The following LINC00305 variants were observed in gnomAD, a reference collection of about 807,000 sequenced individuals.
LINC00305 encodes long intergenic non-protein coding RNA 305.
At chr18:64,125,225 A>G (rs1315055654) in intron 1 of LINC00305, among the ~76,000 whole-genome samples, 3 of 152,020 alleles carry the variant, frequency 2.0e-5, no homozygotes, top group Non-Finnish European at 4.4e-5. Flanking sequence ...GACAACTTGT[A>G]AAAGTCTGTT....
chr18:64,091,716 C>A lies in LINC00305; in HGVS notation n.540+6118G>T, dbSNP rs189144546. 8.5e-5 allele frequency among the ~76,000 whole-genome samples: 13 copies of A among 152,326 alleles called. No individual in the cohort carries two copies. The East Asian group carries it at 1.9e-3, about 23-fold the overall frequency. On this transcript the variant is annotated intron_variant and non_coding_transcript_variant, in intron 3 of 3. Transcript: ENST00000666468. ...AAATCTGCTTCTTCATTTCACCACA[C>A]TCTCCCTGTTGCTATATTTAGACAT... is the stretch of plus-strand genomic sequence containing the variant.
intron 1 of LINC00305, among the ~76,000 whole-genome samples, chr18:64,132,656 C>T (rs1313574411): frequency 6.6e-6 from 1 of 152,182 alleles, no homozygotes; most frequent in African/African-American, 2.4e-5. Context: ...TGTAGCCTGG[C>T]TCCATAGTGT....
chr18:64,138,863 G>A (rs756044353), intron 1 of LINC00305, among the ~76,000 whole-genome samples: 2 of 152,062 alleles, frequency 1.3e-5, no homozygotes, highest in South Asian at 2.1e-4. Context: ...AATGTTGGTC[G>A]TGCGCCTGGA....
intron 1 of LINC00305, among the ~76,000 whole-genome samples, chr18:64,125,930 C>G (rs1053710970): frequency 6.6e-6 from 1 of 152,094 alleles, no homozygotes; most frequent in Admixed American, 6.6e-5. Flanking sequence ...TGAGATCACA[C>G]AGAAAGAAAA....
intron 1 of LINC00305, among the ~76,000 whole-genome samples, chr18:64,135,299 C>T (rs2051427807): frequency 6.6e-6 from 1 of 152,148 alleles, no homozygotes; most frequent in Admixed American, 6.5e-5. Flanking sequence ...CCTAAGGCTC[C>T]AGACATTAGG....
intron 3 of LINC00305, among the ~76,000 whole-genome samples, chr18:64,082,420 G>T (rs185947479): frequency 2.6e-5 from 4 of 152,108 alleles, no homozygotes; most frequent in East Asian, 1.9e-4. Flanking sequence ...CCACATTTTT[G>T]GGGGGAGACT....
chr18:64,087,871 C>T (rs1461841864), intron 3 of LINC00305, among the ~76,000 whole-genome samples: 3 of 151,694 alleles, frequency 2.0e-5, no homozygotes, highest in African/African-American at 4.8e-5. Flanking sequence ...GCGGATGGAT[C>T]ACAAGGTCAG....
chr18:64,089,519 G>A (rs538740159), intron 3 of LINC00305, among the ~76,000 whole-genome samples: 39 of 152,150 alleles, frequency 2.6e-4, no homozygotes, highest in Non-Finnish European at 5.1e-4. Flanking sequence ...CTCTCTGTTG[G>A]CTAAACCCAA....
chr18:64,138,281 T>C (rs369888807), intron 1 of LINC00305, among the ~76,000 whole-genome samples: 8 of 152,198 alleles, frequency 5.3e-5, no homozygotes, highest in African/African-American at 1.9e-4. Flanking sequence ...AGGAAAAAAA[T>C]AAAAAAGTCC....
intron 3 of LINC00305, among the ~76,000 whole-genome samples, chr18:64,085,493 C>T (rs537357504): frequency 4.7e-5 from 7 of 150,496 alleles, no homozygotes; most frequent in Non-Finnish European, 8.8e-5. Context: ...GACTGAGTCT[C>T]GCTCTGTTGC....
At chr18:64,091,674 G>A (rs1217107954) in intron 3 of LINC00305, among the ~76,000 whole-genome samples, 1 of 152,228 alleles carries the variant, frequency 6.6e-6, no homozygotes, top group African/African-American at 2.4e-5. Context: ...GGTCTGCAAA[G>A]CTCAGGTGCT....
intron 1 of LINC00305, among the ~76,000 whole-genome samples, chr18:64,116,517 T>C (rs2051338519): frequency 6.6e-6 from 1 of 152,204 alleles, no homozygotes; most frequent in Admixed American, 6.5e-5. Context: ...GCAGTTTTAT[T>C]TGATGTTACA....
chr18:64,096,437 A>G (rs2051245438), intron 3 of LINC00305, among the ~76,000 whole-genome samples: 1 of 151,936 alleles, frequency 6.6e-6, no homozygotes, highest in Admixed American at 6.6e-5. Flanking sequence ...AATGCTTAAC[A>G]TAGCTGACTA....
chr18:64,094,884 T>TAATAA (rs1555665414), intron 3 of LINC00305, among the ~76,000 whole-genome samples: 1 of 148,508 alleles, frequency 6.7e-6, no homozygotes, highest in Admixed American at 6.7e-5. Context: ...AATAAATAAA[T>TAATAA]AATAAAATAA....
chr18:64,101,147 T>C (rs1432253017), intron 1 of LINC00305, among the ~76,000 whole-genome samples: 2 of 152,182 alleles, frequency 1.3e-5, no homozygotes, highest in African/African-American at 4.8e-5. Flanking sequence ...ATAACCCCTT[T>C]TTATGATCAC....
chr18:64,116,258 A>T (rs2051337341), intron 1 of LINC00305, among the ~76,000 whole-genome samples: 1 of 152,250 alleles, frequency 6.6e-6, no homozygotes, highest in African/African-American at 2.4e-5. Flanking sequence ...TACAGAATTA[A>T]CATTAAAATG....
intron 1 of LINC00305, among the ~76,000 whole-genome samples, chr18:64,118,107 G>A (rs1599220254): frequency 1.3e-5 from 2 of 152,130 alleles, no homozygotes; most frequent in East Asian, 3.9e-4. Flanking sequence ...ACAGCTAGGA[G>A]GCATTTCATT....
chr18:64,097,833 C>T (rs1437189665), intron 3 of LINC00305: 1 of 457,152 alleles, frequency 2.2e-6, no homozygotes, highest in African/African-American at 2.0e-5. Flanking sequence ...ATTGAACTTA[C>T]CTTTATTCTT....
chr18:64,092,691 TC>T (rs1173331840), intron 3 of LINC00305, among the ~76,000 whole-genome samples: 5 of 152,198 alleles, frequency 3.3e-5, no homozygotes, highest in African/African-American at 1.2e-4. Flanking sequence ...GGGGTGATCT[TC>T]CCCAAGGGCC....
Sources: gnomAD v4.1 joint callset for allele counts (sites outside exome capture counted in the v4.1 genomes callset) on GRCh38, gnomAD v4.1.1 for gene constraint, MANE v1.5 for transcripts, NCBI Gene and HGNC (gene_info 2026-07-23, HGNC 2026-07-21) for gene names.